RICTOR: variants seen among roughly 807,000 people sequenced by gnomAD.
RICTOR encodes RPTOR independent companion of MTOR complex 2.
Under a neutral mutation model 214.9 loss-of-function variants are expected in RICTOR, and 49 were observed. The ratio of observed to expected loss-of-function variants is 0.23; its 90% confidence interval spans 0.18 to 0.29. The LOEUF (loss-of-function observed/expected upper bound fraction) is 0.29. RICTOR is among the 10% of genes least tolerant of loss of function. The pLI is 1.00. For missense variants in RICTOR, 1,625 were observed against 2,047.0 expected, an observed-to-expected ratio of 0.79 and a Z score of 3.98; for synonymous variants, 717 against 711.3, an observed-to-expected ratio of 1.01 and a Z score of -0.13.
chr5:38,963,153 ATAAAG>A (rs1749937092), intron 16 of RICTOR, 112 bp from the exon 17 acceptor site: 3 of 669,744 alleles, frequency 4.5e-6, no homozygotes, highest in Admixed American at 6.4e-5. Context: ...ATTATTATTG[ATAAAG>A]TAAATTATTT....
chr5:38,943,523 C>T (rs1747830530), intron 36 of RICTOR, among the ~76,000 whole-genome samples: 1 of 152,000 alleles, frequency 6.6e-6, no homozygotes, highest in African/African-American at 2.4e-5. Flanking sequence ...AAAAAAAAGC[C>T]CTACAGCTGG....
Position 38,959,341 on chromosome 5 carries a change from A to G in RICTOR, c.2052-20T>C, listed in dbSNP as rs1220267114. The G allele has an allele frequency of 1.5e-6, 2 of 1,363,640 alleles. No individual in the cohort carries two copies. Among genetic ancestry groups the G allele is most frequent in the African/African-American group, 3.0e-5 (2 of 67,420 alleles). The allele number at this position is 1,363,640 out of a possible 1,614,324, so 84.5% of individuals were successfully genotyped here. Reference sequence around the variant, plus strand: ...AGGAGACTTAAAAGAAAAAAAAAATAAGAATGGTTAAAAGAAATTACTATA... The same window carrying G: ...AGGAGACTTAAAAGAAAAAAAAAATGAGAATGGTTAAAAGAAATTACTATA... On this transcript the variant is annotated intron_variant, in intron 21 of 37. Transcript: ENST00000357387.
At chr5:38,955,831 A>G (rs1749213946) in intron 25 of RICTOR, 127 bp from the exon 26 acceptor site, 5 of 612,440 alleles carry the variant, frequency 8.2e-6, no homozygotes, top group South Asian at 7.9e-5. Context: ...TATCATATCC[A>G]TAAGCTTTTG....
chr5:38,967,019 T>C, intron 14 of RICTOR, 142 bp downstream of exon 14: 1 of 714,540 alleles, frequency 1.4e-6, no homozygotes, highest in Non-Finnish European at 2.5e-6. Flanking sequence ...CAGGCTGGTC[T>C]CGAACTCCTG....
At chr5:38,975,643 A>G in intron 9 of RICTOR, 39 bp from the exon 10 acceptor site, 1 of 1,522,752 alleles carries the variant, frequency 6.6e-7, no homozygotes, top group Non-Finnish European at 9.1e-7. Context: ...AATCAATGAA[A>G]TAAAATGTTA....
At chr5:39,030,377 A>T (rs566150311) in intron 2 of RICTOR, among the ~76,000 whole-genome samples, 1 of 152,170 alleles carries the variant, frequency 6.6e-6, no homozygotes, top group Admixed American at 6.5e-5. Context: ...CTATGTTGTC[A>T]TAAGTATATT....
At chr5:38,967,922 C>G in intron 12 of RICTOR, 21 bp downstream of exon 12, 1 of 1,237,176 alleles carries the variant, frequency 8.1e-7, no homozygotes, top group African/African-American at 1.5e-5. Context: ...TGAAAAGATA[C>G]AAATGTACTT....
intron 2 of RICTOR, among the ~76,000 whole-genome samples, chr5:39,053,892 A>AC (rs1758021484): frequency 7.5e-6 from 1 of 133,686 alleles, no homozygotes; most frequent in Non-Finnish European, 1.6e-5. Context: ...CTCCGTCTCA[A>AC]AAAAAAAAAA....
At chr5:39,005,800 C>T (rs16867961) in intron 3 of RICTOR, among the ~76,000 whole-genome samples, 3,491 of 152,252 alleles carry the variant, frequency 0.023, 137 homozygotes, top group African/African-American at 0.079. Context: ...GTTGAGTCCA[C>T]GTTAGGTGGT....
At chr5:38,990,082 G>T (rs1752471918) in intron 7 of RICTOR, among the ~76,000 whole-genome samples, 1 of 152,046 alleles carries the variant, frequency 6.6e-6, no homozygotes, top group African/African-American at 2.4e-5. Flanking sequence ...AAAAGGTTTG[G>T]AACCACCTCA....
At chr5:39,008,639 C>T (rs918091018) in intron 3 of RICTOR, among the ~76,000 whole-genome samples, 5 of 152,042 alleles carry the variant, frequency 3.3e-5, no homozygotes, top group East Asian at 1.9e-4. Flanking sequence ...TGGAGAACTG[C>T]ACCCTGGCTA....
intron 2 of RICTOR, among the ~76,000 whole-genome samples, chr5:39,034,777 C>T (rs543126666): frequency 2.6e-5 from 4 of 152,276 alleles, no homozygotes; most frequent in Admixed American, 2.0e-4. Context: ...GAGGGGCGCC[C>T]GCCATTGCTG....
At position 38,962,371 on chromosome 5, in the gene RICTOR, CATAAT is replaced by C; in HGVS notation, c.1669-15_1669-11del. On this transcript the variant is annotated splice_polypyrimidine_tract_variant and intron_variant, in intron 18 of 37. Coordinates refer to ENST00000357387, the MANE Select transcript of RICTOR (RefSeq NM_152756.5). ...GATTTACATTTGGCCACTAGAAAAA[CATAAT>C]ATGTTATATTACATATGTACTTATC... 1 of 1,332,224 alleles carries C rather than the reference CATAAT, an allele frequency of 7.5e-7. No individual in the cohort carries two copies. Among genetic ancestry groups the C allele is most frequent in the Non-Finnish European group, 1.1e-6 (1 of 939,230 alleles). The allele number at this position is 1,332,224 out of a possible 1,614,324, so 82.5% of individuals were successfully genotyped here.
At chr5:39,066,857 T>C (rs1047231351) in intron 2 of RICTOR, among the ~76,000 whole-genome samples, 8 of 152,236 alleles carry the variant, frequency 5.3e-5, no homozygotes, top group African/African-American at 1.9e-4. Flanking sequence ...TACTAAGTTC[T>C]TCATTTCCAC....
At chr5:38,955,148 C>G (rs1485210388) in intron 26 of RICTOR, among the ~76,000 whole-genome samples, 1 of 151,910 alleles carries the variant, frequency 6.6e-6, no homozygotes, top group Non-Finnish European at 1.5e-5. Flanking sequence ...CAGAAAATTA[C>G]TTATAACACT....
intron 6 of RICTOR, among the ~76,000 whole-genome samples, chr5:38,992,377 T>C (rs547713092): frequency 6.6e-6 from 1 of 152,166 alleles, no homozygotes; most frequent in Non-Finnish European, 1.5e-5. Flanking sequence ...ATTATTATTC[T>C]TATAAGGAGC....
intron 8 of RICTOR, among the ~76,000 whole-genome samples, chr5:38,979,601 G>C (rs1012317118): frequency 6.6e-6 from 1 of 152,118 alleles, no homozygotes; most frequent in East Asian, 1.9e-4. Context: ...GTCTAGGAGA[G>C]GCTTGGCTAC....
chr5:39,054,173 A>G (rs553007526), intron 2 of RICTOR, among the ~76,000 whole-genome samples: 1 of 152,258 alleles, frequency 6.6e-6, no homozygotes, highest in East Asian at 1.9e-4. Context: ...CCGGGATCAC[A>G]TTCACTTAAA....
At chr5:39,036,729 C>G (rs1036411190) in intron 2 of RICTOR, among the ~76,000 whole-genome samples, 7 of 152,176 alleles carry the variant, frequency 4.6e-5, no homozygotes, top group African/African-American at 9.7e-5. Flanking sequence ...AAGGCCATTA[C>G]ATAATGGTAA....
Sources: gnomAD v4.1 joint callset for allele counts (sites outside exome capture counted in the v4.1 genomes callset) on GRCh38, gnomAD v4.1.1 for gene constraint, MANE v1.5 for transcripts, NCBI Gene and HGNC (gene_info 2026-07-23, HGNC 2026-07-21) for gene names.